The following ANKRD44 variants were observed in gnomAD, a reference collection of about 807,000 sequenced individuals.
ANKRD44 encodes serine/threonine-protein phosphatase 6 regulatory ankyrin repeat subunit B.
A neutral mutation model predicts 116.0 loss-of-function variants in ANKRD44; 35 were observed. That is an observed-to-expected ratio of 0.30 (90% CI 0.23 to 0.40). The LOEUF (loss-of-function observed/expected upper bound fraction) is 0.40, where lower values mean the gene tolerates loss of function less well. ANKRD44 is among the 10% of genes least tolerant of loss of function. The probability of loss-of-function intolerance (pLI) is 1.00; values close to 1 mark genes in which losing one functional copy is unlikely to be tolerated. For missense variants in ANKRD44, 1,014 were observed against 1,242.6 expected (o/e 0.82, Z 2.77); for synonymous variants, 435 against 461.8 (o/e 0.94, Z 0.74).
intron 1 of ANKRD44, among the ~76,000 whole-genome samples, chr2:197,227,615 A>AT (rs2081749144): frequency 6.6e-6 from 1 of 151,808 alleles, no homozygotes; most frequent in Non-Finnish European, 1.5e-5. Flanking sequence ...AAAAACAAAA[A>AT]TCCTTTGGGG....
chr2:196,970,305 CT>C (rs1417740189), intron 21 of ANKRD44, among the ~76,000 whole-genome samples: 1 of 152,108 alleles, frequency 6.6e-6, no homozygotes, highest in African/African-American at 2.4e-5. Context: ...GGCAGTTTCT[CT>C]GTTGACTAAC....
At chr2:197,136,478 C>G (rs2125389451) in intron 4 of ANKRD44, 114 bp downstream of exon 4, 1 of 958,158 alleles carries the variant, frequency 1.0e-6, no homozygotes. Context: ...GGGTAACCCT[C>G]TTACATTAGA....
chr2:197,052,498 C>A lies in ANKRD44; in HGVS notation c.1650+26205G>T, dbSNP rs552694307. On this transcript the variant is annotated intron_variant, in intron 16 of 27. Transcript: ENST00000282272. ...CTCAGAGGAAAGAGTGTTATCAGTC[C>A]TCAGCCATCTAATTACTTACCTTAG... 2.6e-5 allele frequency among the ~76,000 whole-genome samples: 4 copies of A among 152,038 alleles called. No homozygotes were observed. The South Asian group carries it at 8.3e-4, about 32-fold the overall frequency.
At chr2:197,128,161 T>C (rs1000909313) in intron 4 of ANKRD44, among the ~76,000 whole-genome samples, 5 of 152,244 alleles carry the variant, frequency 3.3e-5, no homozygotes, top group African/African-American at 9.6e-5. Flanking sequence ...GAATGATTTA[T>C]AATTGGATTG....
chr2:197,107,508 A>T (rs538501711), intron 9 of ANKRD44, among the ~76,000 whole-genome samples: 132 of 151,558 alleles, frequency 8.7e-4, no homozygotes, highest in African/African-American at 2.9e-3. Context: ...TAACTAAAAA[A>T]GAGTGGGGTT....
rs190482071 is a variant in ANKRD44, at chr2:197,114,151, G to A, written c.907-3307C>T. Among the ~76,000 whole-genome samples the A allele has an allele frequency of 2.2e-3, 328 of 152,216 alleles. 2 individuals are homozygous for A. Among genetic ancestry groups the A allele is most frequent in the African/African-American group, 7.5e-3 (311 of 41,520 alleles). Reference sequence around the variant, plus strand: ...TGAGAAATTGAAATTTATCATGCAGGGGTACTGGCTGTTGCTACTATTCCT... The same window carrying A: ...TGAGAAATTGAAATTTATCATGCAGAGGTACTGGCTGTTGCTACTATTCCT... On this transcript the variant is annotated intron_variant, in intron 8 of 27. Coordinates refer to ENST00000282272, the MANE Select transcript of ANKRD44 (RefSeq NM_001195144.2).
At chr2:197,038,501 GA>G (rs533593509) in intron 16 of ANKRD44, among the ~76,000 whole-genome samples, 153 of 152,304 alleles carry the variant, frequency 1.0e-3, no homozygotes, top group African/African-American at 3.4e-3. Context: ...ACAAGGTGAT[GA>G]AATCACTTAT....
downstream of ANKRD44, among the ~76,000 whole-genome samples, chr2:196,984,826 C>T (rs1353459899): frequency 2.0e-5 from 3 of 152,232 alleles, no homozygotes; most frequent in Non-Finnish European, 4.4e-5. Flanking sequence ...CCTCAAAGGA[C>T]ACCGTGATAG....
At position 197,185,051 on chromosome 2, in the gene ANKRD44, AAC is replaced by A. The variant is rs527923948; in HGVS notation, c.111+1970_111+1971del. 1.3e-4 allele frequency among the ~76,000 whole-genome samples: 20 copies of A among 152,354 alleles called. No individual in the cohort carries two copies. In the South Asian group the frequency reaches 3.3e-3, roughly 25 times the overall value. On this transcript the variant is annotated intron_variant, in intron 2 of 27. Coordinates refer to ENST00000282272, the MANE Select transcript of ANKRD44 (RefSeq NM_001195144.2). ...CTCATGATCATTAGGAAAATATAGT[AAC>A]CATGGCTTGGGCTTCCCTGGGCTTG...
chr2:197,244,418 C>T (rs952998876), intron 1 of ANKRD44, among the ~76,000 whole-genome samples: 3 of 152,194 alleles, frequency 2.0e-5, no homozygotes, highest in Non-Finnish European at 4.4e-5. Context: ...ATATAAGCAG[C>T]AGGCAGTATT....
At chr2:197,029,933 A>G (rs376442395) in intron 16 of ANKRD44, 21 of 190,926 alleles carry the variant, frequency 1.1e-4, no homozygotes, top group African/African-American at 5.0e-4. Flanking sequence ...GTGGCATATC[A>G]TTTTTGGGTT....
Position 196,999,016 on chromosome 2 carries a change from C to A in ANKRD44, c.2556G>T (p.Val852=), listed in dbSNP as rs1228388042. ...PLHAAAFADH[V]ECLQLLLRHS... ...GTCTCAGAAGAAGCTGCAAGCACTC[C>A]ACATGATCAGCAAATGCTGCCGCAT... Residue 852 remains valine (V), a synonymous_variant, in exon 24 of 28, where the codon GTG becomes GTT. Coordinates refer to ENST00000282272, the MANE Select transcript of ANKRD44 (RefSeq NM_001195144.2). The A allele has an allele frequency of 2.5e-6, 4 of 1,614,176 alleles. No homozygotes were observed. Among genetic ancestry groups the A allele is most frequent in the Non-Finnish European group, 2.5e-6 (3 of 1,180,024 alleles).
At chr2:197,166,774 C>T (rs1281136342) in intron 2 of ANKRD44, among the ~76,000 whole-genome samples, 2 of 152,226 alleles carry the variant, frequency 1.3e-5, no homozygotes, top group Non-Finnish European at 2.9e-5. Flanking sequence ...CACTTGGAAC[C>T]AGGCACTCTG....
intron 16 of ANKRD44, among the ~76,000 whole-genome samples, chr2:197,044,567 G>T (rs186297242): frequency 2.4e-3 from 371 of 152,176 alleles, no homozygotes; most frequent in East Asian, 0.015. Context: ...CACCATGTTG[G>T]CCAGGCTGGT....
intron 2 of ANKRD44, among the ~76,000 whole-genome samples, chr2:197,161,079 G>A (rs532659931): frequency 1.3e-5 from 2 of 152,204 alleles, no homozygotes; most frequent in South Asian, 2.1e-4. Context: ...TGAGCCAGTG[G>A]GACAGAAAAC....
intron 1 of ANKRD44, among the ~76,000 whole-genome samples, chr2:197,238,171 C>T (rs2082015249): frequency 6.6e-6 from 1 of 152,216 alleles, no homozygotes; most frequent in African/African-American, 2.4e-5. Context: ...TAATATCCAT[C>T]TTCTACACCA....
At chr2:197,011,547 A>C (rs58794557) in intron 18 of ANKRD44, among the ~76,000 whole-genome samples, 6,146 of 150,404 alleles carry the variant, frequency 0.041, 391 homozygotes, top group African/African-American at 0.14. Context: ...AACTCGGCTC[A>C]CTGCAACCTC....
intron 2 of ANKRD44, among the ~76,000 whole-genome samples, chr2:197,157,120 G>A (rs1039393097): frequency 3.3e-5 from 5 of 151,878 alleles, no homozygotes; most frequent in African/African-American, 7.3e-5. Flanking sequence ...TCAATTAAGC[G>A]GTTTCATAAA....
rs192970483 is a variant in ANKRD44 at position 196,979,595 on chromosome 2, C to T, written c.2369-12149G>A. Reference sequence around the variant, plus strand: ...TTTTTTTTTTTAAGACAGAGTTTGGCTCTTGTTGCCCAGGCTGGAGTGCAG... The same window carrying T: ...TTTTTTTTTTTAAGACAGAGTTTGGTTCTTGTTGCCCAGGCTGGAGTGCAG... On this transcript the variant is annotated intron_variant, in intron 21 of 21. Transcript: ENST00000424317. Among the ~76,000 whole-genome samples, 20 of 102,114 alleles carry T rather than the reference C, an allele frequency of 2.0e-4. 1 individual carries two copies. Among genetic ancestry groups the T allele is most frequent in the African/African-American group, 6.0e-4 (16 of 26,628 alleles). The allele number at this position is 102,114 out of a possible 152,430, so 67.0% of individuals were successfully genotyped here. A position where few individuals can be genotyped will look rare whatever the true frequency, so the allele number is the denominator to read the frequency against.
Sources: gnomAD v4.1 joint callset for allele counts (sites outside exome capture counted in the v4.1 genomes callset) on GRCh38, gnomAD v4.1.1 for gene constraint, MANE v1.5 for transcripts, NCBI Gene and HGNC (gene_info 2026-07-23, HGNC 2026-07-21) for gene names.